The following GARNL3 variants were observed in gnomAD, a reference collection of about 807,000 sequenced individuals.
GARNL3 encodes GTPase activating Rap/RanGAP domain like 3.
GARNL3 carries 63 observed loss-of-function variants against 125.0 expected under a neutral mutation model. The observed-to-expected ratio is 0.50, with a 90% confidence interval of 0.41 to 0.62. The LOEUF is 0.62. GARNL3 is among the 20% of genes least tolerant of loss of function. GARNL3 has a pLI of 0.00. For synonymous variants in GARNL3, 439 were observed against 457.5 expected, an observed-to-expected ratio of 0.96 and a Z score of 0.52; for missense variants, 994 against 1,244.0, an observed-to-expected ratio of 0.80 and a Z score of 3.02.
intron 1 of GARNL3, among the ~76,000 whole-genome samples, chr9:127,236,258 G>A (rs544147442): frequency 1.4e-4 from 22 of 152,226 alleles, no homozygotes; most frequent in Non-Finnish European, 2.5e-4. Context: ...TGTTATTATC[G>A]GAAATGTCAA....
Position 127,357,685 on chromosome 9 carries a change from C to T in GARNL3, c.2094+308C>T, listed in dbSNP as rs564840436. 2.6e-5 allele frequency among the ~76,000 whole-genome samples: 4 copies of T among 152,148 alleles called. No individual in the cohort carries two copies. The South Asian group carries it at 8.3e-4, about 32-fold the overall frequency. ...GGGCACAATGGCTCACGCCTGTAATCCCAGCACTTTGGGAGGCCGAGGCAG... is the reference window on the plus strand; with the variant it reads ...GGGCACAATGGCTCACGCCTGTAATTCCAGCACTTTGGGAGGCCGAGGCAG... On this transcript the variant is annotated intron_variant, in intron 21 of 27. Transcript: ENST00000373387.
At chr9:127,275,875 C>T (rs1414887088) in intron 1 of GARNL3, among the ~76,000 whole-genome samples, 1 of 152,096 alleles carries the variant, frequency 6.6e-6, no homozygotes, top group East Asian at 1.9e-4. Flanking sequence ...TTGCAGTTAT[C>T]GTTGTGTTGC....
rs191651659 is a variant in GARNL3 at position 127,293,231 on chromosome 9, G to C, written c.219+1989G>C. Among the ~76,000 whole-genome samples the C allele has an allele frequency of 3.6e-3, 553 of 152,244 alleles. 1 individual carries two copies. The highest frequency in any genetic ancestry group is 0.014 in the South Asian group (66 of 4,816). On this transcript the variant is annotated intron_variant, in intron 2 of 27. Transcript: ENST00000373387. ...TAGGTAAAGCAGTTAGTGCAGTAAA[G>C]GACTCACTATATATAGTTGCTTAAA... is the stretch of plus-strand genomic sequence containing the variant.
chr9:127,371,894 T>C (rs575904330), intron 22 of GARNL3, among the ~76,000 whole-genome samples: 135 of 152,364 alleles, frequency 8.9e-4, no homozygotes, highest in African/African-American at 3.2e-3. Flanking sequence ...TAAGAGTCTT[T>C]TTTAACAAAT....
At position 127,278,670 on chromosome 9, in the gene GARNL3, A is replaced by C. The variant is rs1319079965; in HGVS notation, c.145-12498A>C. Among the ~76,000 whole-genome samples, 4 of 152,180 alleles carry C rather than the reference A, an allele frequency of 2.6e-5. 1 individual carries two copies. Among genetic ancestry groups the C allele is most frequent in the Admixed American group, 2.0e-4 (3 of 15,280 alleles). ...CCTAGGCCTGCTGTAAGAGTTTATCACAAACTGGGTGGCTGGGTCACTTAA... is the reference window on the plus strand; with the variant it reads ...CCTAGGCCTGCTGTAAGAGTTTATCCCAAACTGGGTGGCTGGGTCACTTAA... On this transcript the variant is annotated intron_variant, in intron 1 of 27. Coordinates refer to ENST00000373387, the MANE Select transcript of GARNL3 (RefSeq NM_032293.5).
chr9:127,354,746 A>G (rs1260683924), intron 19 of GARNL3, among the ~76,000 whole-genome samples: 1 of 152,198 alleles, frequency 6.6e-6, no homozygotes, highest in African/African-American at 2.4e-5. Flanking sequence ...TTAAGTCCAC[A>G]AACTCTAGAA....
chr9:127,332,904 C>A, intron 8 of GARNL3, 119 bp from the exon 9 acceptor site: 1 of 738,016 alleles, frequency 1.4e-6, no homozygotes, highest in Admixed American at 1.9e-5. Flanking sequence ...CTTACCCATG[C>A]TGTTTACCAT....
At chr9:127,387,072 A>G in intron 24 of GARNL3, 121 bp from the exon 25 acceptor site, 1 of 1,046,642 alleles carries the variant, frequency 9.6e-7, no homozygotes, top group South Asian at 1.7e-5. Context: ...GGCATCCCGC[A>G]CTGCACTGTA....
intron 2 of GARNL3, 74 bp downstream of exon 2, chr9:127,291,316 A>G: frequency 7.6e-7 from 1 of 1,308,882 alleles, no homozygotes; most frequent in Non-Finnish European, 1.1e-6. Flanking sequence ...GCAGTGAAAG[A>G]GTTCTGGAAG....
intron 1 of GARNL3, 141 bp from the exon 2 acceptor site, chr9:127,291,027 A>G: frequency 1.3e-6 from 1 of 758,428 alleles, no homozygotes; most frequent in Admixed American, 2.5e-5. Context: ...TACCTGCCTG[A>G]TAGAGCTTTA....
intron 14 of GARNL3, among the ~76,000 whole-genome samples, chr9:127,342,827 G>A (rs1564159329): frequency 6.6e-6 from 1 of 151,692 alleles, no homozygotes; most frequent in Non-Finnish European, 1.5e-5. Flanking sequence ...TCGTAGGCCT[G>A]AGACATAGCC....
At chr9:127,248,721 C>T (rs1588683463) in intron 2 of GARNL3, among the ~76,000 whole-genome samples, 1 of 150,292 alleles carries the variant, frequency 6.7e-6, no homozygotes, top group African/African-American at 2.4e-5. Context: ...GATCCTCCCA[C>T]CTCAGCCTCC....
At chr9:127,335,550 GATA>G (rs779819505) in intron 10 of GARNL3, among the ~76,000 whole-genome samples, 13 of 152,300 alleles carry the variant, frequency 8.5e-5, no homozygotes, top group East Asian at 3.9e-4. Flanking sequence ...AGGGGTCAGA[GATA>G]ATAATGTGCA....
At chr9:127,353,314 C>CTAT (rs1830508898) in intron 17 of GARNL3, among the ~76,000 whole-genome samples, 1 of 151,978 alleles carries the variant, frequency 6.6e-6, no homozygotes, top group African/African-American at 2.4e-5. Flanking sequence ...CAAACTACTA[C>CTAT]TGCTACAAAC....
intron 4 of GARNL3, among the ~76,000 whole-genome samples, chr9:127,316,206 C>G (rs2065236378): frequency 6.6e-6 from 1 of 152,140 alleles, no homozygotes; most frequent in African/African-American, 2.4e-5. Flanking sequence ...GAGCCCTCTG[C>G]TGTGCCACAC....
In GARNL3 at chr9:127,242,673, A is replaced by G. The variant is rs2063224270; in HGVS notation, c.-28-406A>G. On this transcript the variant is annotated intron_variant, in intron 1 of 10. Transcript: ENST00000439286. The surrounding 1 kb of genome is among the most constrained non-coding windows in gnomAD (Gnocchi z 4.6). ...GGATTTTTAAATTAGAAGATAAACC[A>G]AGTGCTCCTGGACTACCCCAGTAAT... Among the ~76,000 whole-genome samples the G allele has an allele frequency of 6.6e-6, 1 of 152,202 alleles. No homozygotes were observed. Among genetic ancestry groups the G allele is most frequent in the Non-Finnish European group, 1.5e-5 (1 of 68,030 alleles).
intron 1 of GARNL3, among the ~76,000 whole-genome samples, chr9:127,284,126 T>C (rs147398565): frequency 6.6e-6 from 1 of 152,284 alleles, no homozygotes; most frequent in Non-Finnish European, 1.5e-5. Flanking sequence ...ATCCTTCACC[T>C]CCTCAGAAGA....
upstream of GARNL3, among the ~76,000 whole-genome samples, chr9:127,262,848 T>TC (rs2063620664): frequency 6.6e-6 from 1 of 152,116 alleles, no homozygotes; most frequent in African/African-American, 2.4e-5. Context: ...AGAACAAAGC[T>TC]CCCCTTGGAG....
chr9:127,274,184 T>C (rs1003667375), intron 1 of GARNL3, among the ~76,000 whole-genome samples: 1 of 152,190 alleles, frequency 6.6e-6, no homozygotes, highest in African/African-American at 2.4e-5. Context: ...CTCCCTACCC[T>C]ACTTTTTGAT....
Sources: gnomAD v4.1 joint callset for allele counts (sites outside exome capture counted in the v4.1 genomes callset) on GRCh38, gnomAD v4.1.1 for gene constraint, Gnocchi (gnomAD v3.1) non-coding constraint, MANE v1.5 for transcripts, NCBI Gene and HGNC (gene_info 2026-07-23, HGNC 2026-07-21) for gene names.